The following AUTS2 variants were observed in gnomAD, a reference collection of about 807,000 sequenced individuals.
AUTS2 encodes the protein autism susceptibility gene 2 protein.
In AUTS2, 17 loss-of-function variants were observed where a neutral mutation model predicts 112.4. The observed-to-expected ratio is 0.15, with a 90% CI of 0.10 to 0.23. The LOEUF (loss-of-function observed/expected upper bound fraction) is 0.23. Ranked by LOEUF, AUTS2 falls within the 10% of genes least tolerant of loss-of-function variation. The pLI is 1.00. For synonymous variants in AUTS2, 751 were observed against 702.7 expected, an observed-to-expected ratio of 1.07 and a Z score of -1.09; for missense variants, 1,510 against 1,701.6, an observed-to-expected ratio of 0.89 and a Z score of 1.98.
chr7:70,678,201 C>G (rs1223110685), intron 5 of AUTS2, among the ~76,000 whole-genome samples: 2 of 152,126 alleles, frequency 1.3e-5, no homozygotes, highest in African/African-American at 4.8e-5. Context: ...ATGTTTTGTT[C>G]TTCTTTTTTT....
At position 70,081,933 on chromosome 7, in the gene AUTS2, AGAGTGT is replaced by A. The variant is rs1803335947; in HGVS notation, c.523-36197_523-36192del. 4.7e-5 allele frequency among the ~76,000 whole-genome samples: 5 copies of A among 107,164 alleles called. No individual in the cohort carries two copies. The Admixed American group carries it at 5.2e-4, about 11-fold the overall frequency. 70.3% of individuals were successfully genotyped at this position (107,164 alleles called of 152,430 possible). A position where few individuals can be genotyped will look rare whatever the true frequency, so the allele number is the denominator to read the frequency against. On this transcript the variant is annotated intron_variant, in intron 2 of 18. Coordinates refer to ENST00000342771, the MANE Select transcript of AUTS2 (RefSeq NM_015570.4). ...GAAAAAACGGTAGATTTTTCTGTGA[AGAGTGT>A]GTGTGTGTGTGTGTGTGTGTGTGTG...
At chr7:70,028,217 C>G (rs1404582652) in intron 2 of AUTS2, among the ~76,000 whole-genome samples, 1 of 152,130 alleles carries the variant, frequency 6.6e-6, no homozygotes, top group Non-Finnish European at 1.5e-5. Flanking sequence ...TGTGTCTTTT[C>G]AGGTCCCTCC....
chr7:70,432,696 G>C (rs1795725687), intron 4 of AUTS2, among the ~76,000 whole-genome samples: 1 of 152,196 alleles, frequency 6.6e-6, no homozygotes, highest in Non-Finnish European at 1.5e-5. Context: ...GCTGTTTGCT[G>C]AGTGCATTTA....
chr7:70,089,329 A>C (rs1803785864), intron 2 of AUTS2, among the ~76,000 whole-genome samples: 1 of 152,048 alleles, frequency 6.6e-6, no homozygotes, highest in Non-Finnish European at 1.5e-5. Flanking sequence ...TTATTAGGAC[A>C]TTTAAGATTG....
chr7:70,288,057 G>A (rs1196776178), intron 4 of AUTS2, among the ~76,000 whole-genome samples: 2 of 151,988 alleles, frequency 1.3e-5, no homozygotes, highest in Non-Finnish European at 2.9e-5. Context: ...AGGCATGGGG[G>A]AAAAAAACTA....
chr7:70,464,965 A>T (rs899061973), intron 5 of AUTS2, among the ~76,000 whole-genome samples: 1 of 152,090 alleles, frequency 6.6e-6, no homozygotes, highest in African/African-American at 2.4e-5. Flanking sequence ...GCCTCCCTCC[A>T]TCTGGCATCT....
intron 2 of AUTS2, among the ~76,000 whole-genome samples, chr7:70,044,507 C>T (rs1014795601): frequency 3.9e-5 from 6 of 151,978 alleles, no homozygotes; most frequent in African/African-American, 9.7e-5. Context: ...TATAATCCAG[C>T]GTGTGTTAGA....
In AUTS2 at chr7:70,346,816, C is replaced by T. The variant is rs193130829; in HGVS notation, c.661-88936C>T. On this transcript the variant is annotated intron_variant, in intron 4 of 18. Transcript: ENST00000342771. ...CTCCATGGTCCCCAAATGAAGCTTC[C>T]TAGGTCTCTTGTGTCCAAGCCATTC... Among the ~76,000 whole-genome samples the T allele has an allele frequency of 7.4e-4, 113 of 152,226 alleles. 2 individuals are homozygous for T. The highest frequency in any genetic ancestry group is 3.4e-3 in the Middle Eastern group (1 of 294).
intron 4 of AUTS2, among the ~76,000 whole-genome samples, chr7:70,366,054 A>G (rs1379694460): frequency 2.6e-5 from 4 of 152,184 alleles, no homozygotes; most frequent in African/African-American, 4.8e-5. Context: ...TGACTTCAAG[A>G]AACTTATGTT....
chr7:70,484,868 A>G (rs920821479), intron 5 of AUTS2, among the ~76,000 whole-genome samples: 2 of 152,198 alleles, frequency 1.3e-5, no homozygotes, highest in Admixed American at 1.3e-4. Context: ...ACAGCCAATA[A>G]ACATATGAAA....
intron 4 of AUTS2, among the ~76,000 whole-genome samples, chr7:70,413,665 C>CTTGTTTTGTT (rs10672712): frequency 9.4e-4 from 142 of 151,024 alleles, no homozygotes; most frequent in East Asian, 3.5e-3. Flanking sequence ...AATTTCTTTT[C>CTTGTTTTGTT]TTGTTTTGTT....
intron 4 of AUTS2, among the ~76,000 whole-genome samples, chr7:70,401,591 G>C (rs1054989257): frequency 2.6e-5 from 4 of 152,216 alleles, no homozygotes; most frequent in Non-Finnish European, 5.9e-5. Flanking sequence ...AGATGAGACC[G>C]TGGAGAGTAG....
At chr7:69,655,082 C>T (rs760114478) in intron 1 of AUTS2, among the ~76,000 whole-genome samples, 7 of 152,164 alleles carry the variant, frequency 4.6e-5, no homozygotes, top group Non-Finnish European at 8.8e-5. Context: ...GCACCAGCAT[C>T]AGTTGATGCA....
At chr7:70,556,502 T>C (rs1801255751) in intron 5 of AUTS2, among the ~76,000 whole-genome samples, 2 of 152,234 alleles carry the variant, frequency 1.3e-5, no homozygotes, top group Admixed American at 1.3e-4. Context: ...CAATCGCAGC[T>C]GTGATCAAGT....
At chr7:69,983,789 T>C (rs188762743) in intron 2 of AUTS2, among the ~76,000 whole-genome samples, 1 of 143,702 alleles carries the variant, frequency 7.0e-6, no homozygotes, top group African/African-American at 2.7e-5. Flanking sequence ...CATACACTTA[T>C]GTGAAGTAAT....
chr7:69,882,430 A>G (rs1455588051), intron 1 of AUTS2, among the ~76,000 whole-genome samples: 2 of 152,196 alleles, frequency 1.3e-5, no homozygotes, highest in African/African-American at 4.8e-5. Context: ...TGCAACCCCA[A>G]GGCAACACTA....
At chr7:70,309,261 A>G (rs1368137866) in intron 4 of AUTS2, among the ~76,000 whole-genome samples, 4 of 152,190 alleles carry the variant, frequency 2.6e-5, no homozygotes, top group Non-Finnish European at 5.9e-5. Context: ...TCTTTCTCAG[A>G]CTTCTAGGCC....
chr7:69,893,654 A>G lies in AUTS2; in HGVS notation c.310-5632A>G, dbSNP rs77208975. 2.9e-3 allele frequency among the ~76,000 whole-genome samples: 445 copies of G among 152,320 alleles called. 4 individuals are homozygous for G. The highest frequency in any genetic ancestry group is 0.01 in the African/African-American group (431 of 41,578). Reference sequence around the variant, plus strand: ...GGGTGCATGCAGACACATATACCACAAATACTTTGTAAGTGATGGACTGCC... The same window carrying G: ...GGGTGCATGCAGACACATATACCACGAATACTTTGTAAGTGATGGACTGCC... On this transcript the variant is annotated intron_variant, in intron 1 of 18. Transcript: ENST00000342771.
chr7:70,343,837 A>T (rs905970910), intron 4 of AUTS2, among the ~76,000 whole-genome samples: 2 of 152,102 alleles, frequency 1.3e-5, no homozygotes, highest in African/African-American at 4.8e-5. Context: ...GTGTTAGAGG[A>T]ATTGCTGTTA....
Sources: gnomAD v4.1 joint callset for allele counts (sites outside exome capture counted in the v4.1 genomes callset) on GRCh38, gnomAD v4.1.1 for gene constraint, MANE v1.5 for transcripts, NCBI Gene and HGNC (gene_info 2026-07-23, HGNC 2026-07-21) for gene names.